The following VWC2 variants were observed in gnomAD, a reference collection of about 807,000 sequenced individuals.
VWC2 encodes the protein brorin.
Under a neutral mutation model 29.8 loss-of-function variants are expected in VWC2, and 14 were observed. The ratio of observed to expected loss-of-function variants is 0.47; its 90% CI spans 0.31 to 0.74. The LOEUF is 0.74. Among genes scored for constraint, VWC2 ranks in the 30% least tolerant of loss-of-function variants. The pLI is 0.05. For synonymous variants in VWC2, 213 were observed against 199.0 expected, an observed-to-expected ratio of 1.07 and a Z score of -0.59; for missense variants, 457 against 459.8, an observed-to-expected ratio of 0.99 and a Z score of 0.05.
rs371364620 is a variant in VWC2 at position 49,879,072 on chromosome 7, C to T, written c.827-32962C>T. 1.9e-4 allele frequency among the ~76,000 whole-genome samples: 29 copies of T among 152,278 alleles called. 1 individual carries two copies. The South Asian group carries it at 6.0e-3, about 32-fold the overall frequency. ...CACTGGATGTTTTCTTAATATCCGG[C>T]AGTTCATTCCCTCAATCCTCAAAGG... On this transcript the variant is annotated intron_variant, in intron 3 of 3. Transcript: ENST00000340652.
intron 2 of VWC2, among the ~76,000 whole-genome samples, chr7:49,801,185 G>A (rs1242109863): frequency 5.9e-5 from 9 of 152,176 alleles, no homozygotes; most frequent in Admixed American, 5.9e-4. Flanking sequence ...TCAGTTTTTA[G>A]TGTTTGCATT....
chr7:49,820,214 G>A (rs10260065), intron 3 of VWC2, among the ~76,000 whole-genome samples: 134,583 of 152,032 alleles, frequency 0.89, 59,929 homozygotes, highest in East Asian at 0.94. Flanking sequence ...CCCCACAGCC[G>A]CTCTGTAGCT....
chr7:49,840,686 A>G (rs1789774690), intron 3 of VWC2, among the ~76,000 whole-genome samples: 1 of 152,198 alleles, frequency 6.6e-6, no homozygotes, highest in Non-Finnish European at 1.5e-5. Flanking sequence ...GCTTCAGTGC[A>G]GCTTCAAAAG....
chr7:49,907,859 G>A (rs1051322886), intron 3 of VWC2, among the ~76,000 whole-genome samples: 1 of 152,132 alleles, frequency 6.6e-6, no homozygotes, highest in Non-Finnish European at 1.5e-5. Flanking sequence ...AAGATAAGGG[G>A]TTGTGGAGAC....
At chr7:49,870,926 G>A (rs1791122612) in intron 3 of VWC2, among the ~76,000 whole-genome samples, 2 of 152,154 alleles carry the variant, frequency 1.3e-5, no homozygotes, top group African/African-American at 4.8e-5. Flanking sequence ...CTACGGAACT[G>A]CTCCAGGAAA....
rs537825190 is a variant in VWC2 at position 49,779,958 on chromosome 7, G to A, written c.696+3827G>A. 2.0e-3 allele frequency among the ~76,000 whole-genome samples: 298 copies of A among 152,230 alleles called. 4 individuals carry two copies. Among genetic ancestry groups the A allele is most frequent in the Non-Finnish European group, 7.8e-4 (53 of 68,022 alleles). On this transcript the variant is annotated intron_variant, in intron 2 of 3. Transcript: ENST00000340652. ...GACTTCATTTTAACTTAATTACCTC[G>A]TTAAAGACCTGTCTCCAGACAGTCA...
intron 2 of VWC2, among the ~76,000 whole-genome samples, chr7:49,776,414 G>C: frequency 6.6e-6 from 1 of 152,210 alleles, no homozygotes; most frequent in South Asian, 2.1e-4. Flanking sequence ...AACAGGTATC[G>C]GAGGGACTTT....
At chr7:49,852,104 A>C (rs185753930) in intron 3 of VWC2, among the ~76,000 whole-genome samples, 1 of 152,362 alleles carries the variant, frequency 6.6e-6, no homozygotes, top group Admixed American at 6.5e-5. Context: ...AGCAGGCACC[A>C]GTACCACCTG....
In VWC2 at chr7:49,919,762, C is replaced by T. The variant is rs545791820; in HGVS notation, c.*7577C>T. On this transcript the variant is annotated 3_prime_UTR_variant, in exon 4 of 4. Transcript: ENST00000340652. ...GGTAGTCCCACTCATCCCCAGGGGG[C>T]TCAGCTGCCACCGGCCAGGTCTATC... 6.6e-6 allele frequency: 1 copy of T among 152,466 alleles called. No individual in the cohort carries two copies. The highest frequency in any genetic ancestry group is 2.4e-5 in the African/African-American group (1 of 41,562). 9.4% of individuals were successfully genotyped at this position (152,466 alleles called of 1,614,324 possible).
In VWC2 at chr7:49,802,768, T is replaced by G; in HGVS notation, c.754T>G (p.Ser252Ala). 1 of 1,614,222 alleles carries G rather than the reference T, an allele frequency of 6.2e-7. No individual in the cohort carries two copies. Among genetic ancestry groups the G allele is most frequent in the Non-Finnish European group, 8.5e-7 (1 of 1,180,036 alleles). Residue 252 changes from serine (S) to alanine (A), a missense_variant, in exon 3 of 4, where the codon TCA (serine) becomes GCA (alanine). Ser to Ala is a moderately conservative substitution (Grantham distance 99). Coordinates refer to ENST00000340652, the MANE Select transcript of VWC2 (RefSeq NM_198570.5). ...EANGEVLCTVSACPQTECVDP... is the reference protein window; with the variant it reads ...EANGEVLCTVAACPQTECVDP... The stretch of plus-strand genomic sequence containing the variant: ...CAACGGTGAGGTGCTATGCACAGTG[T>G]CAGCGTGTCCCCAGACGGAGTGTGT...
chr7:49,833,176 T>C (rs544426451), intron 3 of VWC2, among the ~76,000 whole-genome samples: 3 of 152,286 alleles, frequency 2.0e-5, no homozygotes, highest in South Asian at 4.1e-4. Flanking sequence ...ATGAATGGGA[T>C]TGATGTTTAT....
intron 3 of VWC2, among the ~76,000 whole-genome samples, chr7:49,900,496 A>G (rs1326739026): frequency 6.6e-6 from 1 of 151,778 alleles, no homozygotes. Context: ...TCCCATGGAC[A>G]TTAAAGGGAT....
At chr7:49,821,010 C>G (rs181015808) in intron 3 of VWC2, among the ~76,000 whole-genome samples, 2 of 152,182 alleles carry the variant, frequency 1.3e-5, no homozygotes, top group Admixed American at 6.5e-5. Context: ...CCCAGCCCTC[C>G]CCGCCCAGGA....
chr7:49,896,472 C>A (rs1307427928), intron 3 of VWC2, among the ~76,000 whole-genome samples: 9 of 152,044 alleles, frequency 5.9e-5, no homozygotes, highest in Admixed American at 5.9e-4. Flanking sequence ...TAAGTTCCTA[C>A]TTGAAGAAAC....
rs1282347153 is a variant in VWC2 at position 49,775,337 on chromosome 7, G to C, written c.-99G>C. ...GTGCTGCTGTTCTCTCCGCAGGGAC[G>C]GCGGCTCCCGGCTGGCGGCGGCGCG... On this transcript the variant is annotated 5_prime_UTR_variant, in exon 2 of 4. Coordinates refer to ENST00000340652, the MANE Select transcript of VWC2 (RefSeq NM_198570.5). The C allele has an allele frequency of 2.1e-6, 2 of 974,084 alleles. No individual in the cohort carries two copies. Among genetic ancestry groups the C allele is most frequent in the African/African-American group, 3.4e-5 (2 of 58,084 alleles). The allele number at this position is 974,084 out of a possible 1,614,324, so 60.3% of individuals were successfully genotyped here. A position where few individuals can be genotyped will look rare whatever the true frequency, so the allele number is the denominator to read the frequency against.
intron 3 of VWC2, among the ~76,000 whole-genome samples, chr7:49,881,985 T>A (rs1214270628): frequency 6.6e-6 from 1 of 152,084 alleles, no homozygotes; most frequent in Non-Finnish European, 1.5e-5. Flanking sequence ...TATTATTTTA[T>A]AAGCCTAAGA....
rs1053623410 is a variant in VWC2, at chr7:49,918,350, C to T, written c.*6165C>T. 10 of 152,064 alleles carry T rather than the reference C, an allele frequency of 6.6e-5. No homozygotes were observed. The highest frequency in any genetic ancestry group is 2.4e-4 in the African/African-American group (10 of 41,416). The allele number at this position is 152,064 out of a possible 1,614,324, so 9.4% of individuals were successfully genotyped here. Reference sequence around the variant, plus strand: ...CCTCTAGAAAATAGACAGAAATTTCCAAAATGGTCTTTTACCCCACTCCCC... The same window carrying T: ...CCTCTAGAAAATAGACAGAAATTTCTAAAATGGTCTTTTACCCCACTCCCC... On this transcript the variant is annotated 3_prime_UTR_variant, in exon 4 of 4. Coordinates refer to ENST00000340652, the MANE Select transcript of VWC2 (RefSeq NM_198570.5).
chr7:49,813,120 T>C (rs143442921), intron 3 of VWC2, among the ~76,000 whole-genome samples: 1 of 152,192 alleles, frequency 6.6e-6, no homozygotes, highest in African/African-American at 2.4e-5. Context: ...TCAAGCAGTG[T>C]TCTTCTCCGT....
chr7:49,796,873 C>T (rs1284516665), intron 2 of VWC2, among the ~76,000 whole-genome samples: 1 of 152,146 alleles, frequency 6.6e-6, no homozygotes, highest in Admixed American at 6.5e-5. Context: ...GAGTGTGAAT[C>T]CCAACTCTCT....
Sources: gnomAD v4.1 joint callset for allele counts (sites outside exome capture counted in the v4.1 genomes callset) on GRCh38, gnomAD v4.1.1 for gene constraint, MANE v1.5 for transcripts, NCBI Gene and HGNC (gene_info 2026-07-23, HGNC 2026-07-21) for gene names.